The following ADIPOR2 variants were observed in gnomAD, a reference collection of about 807,000 sequenced individuals.
ADIPOR2 encodes the protein adiponectin receptor protein 2.
Under a neutral mutation model 40.9 loss-of-function variants are expected in ADIPOR2, and 18 were observed. The ratio of observed to expected loss-of-function variants is 0.44; its 90% CI spans 0.30 to 0.65. The LOEUF is 0.65. Among genes scored for constraint, ADIPOR2 ranks in the 30% least tolerant of loss-of-function variants. The pLI, the probability that ADIPOR2 is intolerant of heterozygous loss-of-function variation, is 0.09. For missense variants in ADIPOR2, 283 were observed against 479.2 expected (o/e 0.59, Z 3.82); for synonymous variants, 165 against 166.4 (o/e 0.99, Z 0.06).
intron 1 of ADIPOR2, among the ~76,000 whole-genome samples, chr12:1,721,295 AACCTCC>A (rs2094697524): frequency 8.0e-6 from 1 of 124,456 alleles, no homozygotes; most frequent in African/African-American, 3.1e-5. Flanking sequence ...GGCTCACTGC[AACCTCC>A]ACCTCCCGGG....
Position 1,787,426 on chromosome 12 carries a change from A to T in ADIPOR2, c.*1354A>T, listed in dbSNP as rs375357531. On this transcript the variant is annotated 3_prime_UTR_variant, in exon 8 of 8. Transcript: ENST00000357103. ...GAGTTGTCAGCACTCACTGAACCTC[A>T]CTTTACAGGGATAAGAGTGGTGTGG... The T allele has an allele frequency of 6.6e-6, 1 of 152,252 alleles. No individual in the cohort carries two copies. Among genetic ancestry groups the T allele is most frequent in the East Asian group, 1.9e-4 (1 of 5,206 alleles). 9.4% of individuals were successfully genotyped at this position (152,252 alleles called of 1,614,324 possible).
intron 1 of ADIPOR2, among the ~76,000 whole-genome samples, chr12:1,694,676 G>A (rs1466208424): frequency 6.6e-6 from 1 of 152,152 alleles, no homozygotes; most frequent in Non-Finnish European, 1.5e-5. Flanking sequence ...TCCTTCTCAT[G>A]CGCTAGTTTC....
chr12:1,735,065 C>T (rs1247811329), intron 1 of ADIPOR2, among the ~76,000 whole-genome samples: 1 of 152,166 alleles, frequency 6.6e-6, no homozygotes, highest in Non-Finnish European at 1.5e-5. Flanking sequence ...TTAGGATTGA[C>T]TTGGCAATGT....
intron 1 of ADIPOR2, among the ~76,000 whole-genome samples, chr12:1,734,731 T>G (rs1300401521): frequency 6.6e-6 from 1 of 152,240 alleles, no homozygotes; most frequent in African/African-American, 2.4e-5. Context: ...TTTTTAGGTT[T>G]TTAGGTGTAA....
intron 7 of ADIPOR2, among the ~76,000 whole-genome samples, chr12:1,785,015 T>C (rs1253133017): frequency 6.6e-6 from 1 of 152,238 alleles, no homozygotes; most frequent in East Asian, 1.9e-4. Context: ...ATTTTAACAT[T>C]GGTATGGAGG....
At chr12:1,727,725 C>G (rs114666110) in intron 1 of ADIPOR2, among the ~76,000 whole-genome samples, 166 of 152,164 alleles carry the variant, frequency 1.1e-3, no homozygotes, top group African/African-American at 3.9e-3. Flanking sequence ...TCAGTAGCCC[C>G]TTGGGGTATT....
intron 6 of ADIPOR2, among the ~76,000 whole-genome samples, chr12:1,783,040 A>C (rs1161830029): frequency 7.9e-6 from 1 of 126,544 alleles, no homozygotes. Context: ...GCTGGAGTGC[A>C]GTGGTGCCAT....
chr12:1,738,038 A>T (rs1313602971), intron 1 of ADIPOR2, among the ~76,000 whole-genome samples: 6 of 151,940 alleles, frequency 3.9e-5, no homozygotes, highest in Non-Finnish European at 7.4e-5. Context: ...ACTTGATTTG[A>T]TTTTAATGTG....
chr12:1,764,524 A>G (rs1039262472), intron 2 of ADIPOR2, among the ~76,000 whole-genome samples: 1 of 151,564 alleles, frequency 6.6e-6, no homozygotes, highest in African/African-American at 2.4e-5. Flanking sequence ...AGGACCCTTC[A>G]AAGAAAAACA....
intron 1 of ADIPOR2, among the ~76,000 whole-genome samples, chr12:1,695,532 G>A (rs562996953): frequency 4.6e-4 from 70 of 151,700 alleles, no homozygotes; most frequent in African/African-American, 1.4e-3. Flanking sequence ...GTATGGTGGC[G>A]CGCGCCTGTA....
intron 2 of ADIPOR2, among the ~76,000 whole-genome samples, chr12:1,766,729 T>G (rs909901909): frequency 6.6e-6 from 1 of 152,218 alleles, no homozygotes; most frequent in African/African-American, 2.4e-5. Flanking sequence ...TTTCAAGATA[T>G]TAGGTTGAAT....
At chr12:1,773,211 A>G (rs1055954371) in intron 3 of ADIPOR2, among the ~76,000 whole-genome samples, 3 of 152,230 alleles carry the variant, frequency 2.0e-5, no homozygotes, top group Admixed American at 6.5e-5. Context: ...TTCCTAATGT[A>G]GGTTAACAGA....
At chr12:1,755,098 G>A (rs1862095013) in intron 2 of ADIPOR2, among the ~76,000 whole-genome samples, 1 of 61,968 alleles carries the variant, frequency 1.6e-5, no homozygotes, top group African/African-American at 3.5e-5. Context: ...TTTTAATTTC[G>A]GAGACGGAGT....
Position 1,772,980 on chromosome 12 carries a change from G to A in ADIPOR2, c.291+19G>A, listed in dbSNP as rs773017473. On this transcript the variant is annotated intron_variant, in intron 3 of 7. Coordinates refer to ENST00000357103, the MANE Select transcript of ADIPOR2 (RefSeq NM_024551.3). The stretch of plus-strand genomic sequence containing the variant: ...TTGTAAGGTAAGAGTGCAGTTTCTT[G>A]TCATTGTCATGCTATATATTTAGCC... 9 of 1,611,840 alleles carry A rather than the reference G, an allele frequency of 5.6e-6. No individual in the cohort carries two copies. The South Asian group carries it at 8.8e-5, about 16-fold the overall frequency.
chr12:1,720,262 C>T (rs1053154069), intron 1 of ADIPOR2, among the ~76,000 whole-genome samples: 12 of 152,070 alleles, frequency 7.9e-5, no homozygotes, highest in African/African-American at 2.4e-4. Context: ...ACTGAATACA[C>T]TTTACTTTTG....
chr12:1,760,692 T>C (rs1374085403), intron 2 of ADIPOR2: 1 of 152,248 alleles, frequency 6.6e-6, no homozygotes, highest in African/African-American at 2.4e-5. Flanking sequence ...TTCCATTGTA[T>C]GGATATACAG....
chr12:1,707,124 A>C (rs2094664915), intron 1 of ADIPOR2, among the ~76,000 whole-genome samples: 1 of 152,202 alleles, frequency 6.6e-6, no homozygotes, highest in African/African-American at 2.4e-5. Flanking sequence ...TTTATTGCTG[A>C]GTAGTATTCA....
rs778221541 is a variant in ADIPOR2, at chr12:1,757,418, A to G, written c.171+2904A>G. 1.5e-4 allele frequency: 113 copies of G among 729,382 alleles called. 1 individual carries two copies. The highest frequency in any genetic ancestry group is 1.7e-4 in the South Asian group (11 of 66,286). The allele number at this position is 729,382 out of a possible 1,614,324, so 45.2% of individuals were successfully genotyped here. ...TCATGTGAACCACATCAAAAGATCC[A>G]GAGTGCCTCTCTCTGTTGGTTATCA... On this transcript the variant is annotated intron_variant, in intron 2 of 7. Coordinates refer to ENST00000357103, the MANE Select transcript of ADIPOR2 (RefSeq NM_024551.3).
chr12:1,745,609 C>T (rs1444039417), intron 1 of ADIPOR2, among the ~76,000 whole-genome samples: 1 of 152,140 alleles, frequency 6.6e-6, no homozygotes, highest in African/African-American at 2.4e-5. Context: ...CTTGTCCCTT[C>T]TTACAATGAA....
Sources: gnomAD v4.1 joint callset for allele counts (sites outside exome capture counted in the v4.1 genomes callset) on GRCh38, gnomAD v4.1.1 for gene constraint, MANE v1.5 for transcripts, NCBI Gene and HGNC (gene_info 2026-07-23, HGNC 2026-07-21) for gene names.